PIK3C3: variants seen among roughly 807,000 people sequenced by gnomAD.
PIK3C3 encodes the protein PI3-kinase type 3.
Under a neutral mutation model 126.1 loss-of-function variants are expected in PIK3C3, and 95 were observed. The observed-to-expected ratio is 0.75, with a 90% confidence interval of 0.64 to 0.89. The LOEUF is 0.89. Among genes scored for constraint, PIK3C3 ranks in the 40% least tolerant of loss-of-function variants. The probability of loss-of-function intolerance (pLI) is 0.00; values close to 1 mark genes in which losing one functional copy is unlikely to be tolerated. For missense variants in PIK3C3, 829 were observed against 1,063.2 expected (o/e 0.78, Z 3.06); for synonymous variants, 374 against 360.0 (o/e 1.04, Z -0.44).
intron 22 of PIK3C3, among the ~76,000 whole-genome samples, chr18:42,064,044 A>G (rs1338880987): frequency 6.6e-6 from 1 of 152,174 alleles, no homozygotes. Flanking sequence ...GGAAATGACC[A>G]TTCAGAATAG....
chr18:42,009,028 T>G (rs926132903), intron 10 of PIK3C3, among the ~76,000 whole-genome samples: 11 of 152,146 alleles, frequency 7.2e-5, no homozygotes, highest in Non-Finnish European at 1.0e-4. Context: ...AGGCTGGCAG[T>G]GAAACTGAAT....
rs968353840 is a variant in PIK3C3 at position 42,082,730 on chromosome 18, A to G, written c.*1593A>G. On this transcript the variant is annotated 3_prime_UTR_variant, in exon 25 of 25. Coordinates refer to ENST00000262039, the MANE Select transcript of PIK3C3 (RefSeq NM_002647.4). ...TGCATCTCCTATTTCAGGATTTGGC[A>G]TACTTTTTCTTTAATGGGCTAAGAA... The G allele has an allele frequency of 6.6e-6, 1 of 152,114 alleles. No homozygotes were observed. The highest frequency in any genetic ancestry group is 2.4e-5 in the African/African-American group (1 of 41,416). The allele number at this position is 152,114 out of a possible 1,614,324, so 9.4% of individuals were successfully genotyped here. A position where few individuals can be genotyped will look rare whatever the true frequency, so the allele number is the denominator to read the frequency against.
At chr18:41,961,196 A>G (rs1319982640) in intron 2 of PIK3C3, among the ~76,000 whole-genome samples, 3 of 152,192 alleles carry the variant, frequency 2.0e-5, no homozygotes, top group Admixed American at 6.5e-5. Flanking sequence ...AAATTCCACA[A>G]TATTATCCAA....
At chr18:41,980,385 T>C (rs889455199) in intron 4 of PIK3C3, among the ~76,000 whole-genome samples, 3 of 152,206 alleles carry the variant, frequency 2.0e-5, no homozygotes, top group African/African-American at 7.2e-5. Context: ...CCCTTAGTTA[T>C]GATGTCTACA....
At chr18:41,992,360 GA>G (rs1981821038) in intron 6 of PIK3C3, among the ~76,000 whole-genome samples, 1 of 152,164 alleles carries the variant, frequency 6.6e-6, no homozygotes, top group Non-Finnish European at 1.5e-5. Flanking sequence ...ACGGCTGTGG[GA>G]ATTTGTGGTT....
rs1980777654 is a variant in PIK3C3 at position 41,973,666 on chromosome 18, A to G, written c.531+3210A>G. Among the ~76,000 whole-genome samples the G allele has an allele frequency of 3.3e-5, 5 of 152,156 alleles. No homozygotes were observed. The South Asian group carries it at 1.0e-3, about 32-fold the overall frequency. ...CTTTTTCTGATGACACATTTTAAAA[A>G]GTTGTTCAGTTAGATTGTCACTCTC... On this transcript the variant is annotated intron_variant, in intron 4 of 24. Coordinates refer to ENST00000262039, the MANE Select transcript of PIK3C3 (RefSeq NM_002647.4).
At chr18:41,984,474 A>G (rs1297199132) in intron 4 of PIK3C3, among the ~76,000 whole-genome samples, 2 of 152,138 alleles carry the variant, frequency 1.3e-5, no homozygotes, top group Non-Finnish European at 2.9e-5. Context: ...AATATAATTA[A>G]TAACTAATTA....
At chr18:41,972,312 T>C (rs1980709556) in intron 4 of PIK3C3, among the ~76,000 whole-genome samples, 1 of 152,074 alleles carries the variant, frequency 6.6e-6, no homozygotes. Flanking sequence ...GAAGCCTTCT[T>C]AATGTTTTTG....
In PIK3C3 at chr18:42,004,385, T is replaced by C. The variant is rs1446088512; in HGVS notation, c.1014T>C (p.Asn338=). The C allele has an allele frequency of 3.1e-6, 5 of 1,611,132 alleles. No individual in the cohort carries two copies. The highest frequency in any genetic ancestry group is 2.2e-5 in the South Asian group (2 of 90,368). Residue 338 remains asparagine (N), a synonymous_variant, in exon 10 of 25, where the codon AAT becomes AAC. Coordinates refer to ENST00000262039, the MANE Select transcript of PIK3C3 (RefSeq NM_002647.4). ...TGACAAAATTCTTGAAATGTGTTAA[T>C]TGGGATCTACCTCAAGAGGCCAAAC... ...KALTKFLKCV[N]WDLPQEAKQA... is the part of the protein sequence containing the mutation.
chr18:41,989,555 T>C (rs769653381), intron 5 of PIK3C3, among the ~76,000 whole-genome samples: 4 of 152,316 alleles, frequency 2.6e-5, no homozygotes, highest in Non-Finnish European at 4.4e-5. Context: ...TTATTTTTAC[T>C]GTACTTTTTC....
intron 4 of PIK3C3, among the ~76,000 whole-genome samples, chr18:41,980,744 A>G (rs1328921699): frequency 6.6e-6 from 1 of 152,180 alleles, no homozygotes; most frequent in African/African-American, 2.4e-5. Flanking sequence ...AAAAACAGTA[A>G]GAACACCCTT....
intron 3 of PIK3C3, among the ~76,000 whole-genome samples, chr18:41,970,120 G>A (rs1980582205): frequency 6.6e-6 from 1 of 152,062 alleles, no homozygotes; most frequent in South Asian, 2.1e-4. Context: ...TGAGCGCTTG[G>A]AGGAGAAAAG....
intron 4 of PIK3C3, among the ~76,000 whole-genome samples, chr18:41,980,439 G>C (rs973154741): frequency 9.2e-5 from 14 of 151,952 alleles, no homozygotes; most frequent in Non-Finnish European, 1.3e-4. Flanking sequence ...AATTTAGGAG[G>C]GTGAATCTAT....
chr18:41,993,771 T>C (rs1487278186), intron 7 of PIK3C3, among the ~76,000 whole-genome samples: 1 of 152,030 alleles, frequency 6.6e-6, no homozygotes, highest in African/African-American at 2.4e-5. Flanking sequence ...TGTTGGAAAA[T>C]AGGGAAGATT....
At chr18:42,061,814 C>T (rs912712488) in intron 22 of PIK3C3, among the ~76,000 whole-genome samples, 4 of 152,066 alleles carry the variant, frequency 2.6e-5, no homozygotes, top group African/African-American at 4.8e-5. Context: ...ACAATAGAAG[C>T]GTGGATGGTT....
chr18:41,997,136 G>C (rs1229131222), intron 9 of PIK3C3, among the ~76,000 whole-genome samples: 4 of 152,102 alleles, frequency 2.6e-5, no homozygotes, highest in African/African-American at 7.2e-5. Context: ...CAGAGTAAAT[G>C]CTGGTTCTCT....
chr18:42,076,110 A>ATGTATATATG (rs1985977746), intron 24 of PIK3C3, among the ~76,000 whole-genome samples: 1 of 80,312 alleles, frequency 1.2e-5, no homozygotes, highest in African/African-American at 5.3e-5. Context: ...ATATATATAT[A>ATGTATATATG]TATATATATA....
At chr18:41,965,087 A>T (rs1175934360) in intron 3 of PIK3C3, among the ~76,000 whole-genome samples, 1 of 152,180 alleles carries the variant, frequency 6.6e-6, no homozygotes, top group Non-Finnish European at 1.5e-5. Context: ...CAGAGTGTTT[A>T]CCCCTTATTT....
At chr18:41,975,907 A>T (rs976201346) in intron 4 of PIK3C3, among the ~76,000 whole-genome samples, 1 of 152,070 alleles carries the variant, frequency 6.6e-6, no homozygotes. Context: ...TCATTGTGTT[A>T]GCCAGGCTGG....
Sources: allele counts gnomAD v4.1 joint callset (sites outside exome capture counted in the v4.1 genomes callset), GRCh38; gene constraint gnomAD v4.1.1; transcripts MANE v1.5; gene names NCBI Gene and HGNC (gene_info 2026-07-23, HGNC 2026-07-21).